CELF2: variants seen among roughly 807,000 people sequenced by gnomAD.
The protein encoded by CELF2 is CUG triplet repeat RNA-binding protein 2.
A neutral mutation model predicts 62.6 loss-of-function variants in CELF2; 8 were observed. The ratio of observed to expected loss-of-function variants is 0.13; its 90% CI spans 0.07 to 0.23. The LOEUF (loss-of-function observed/expected upper bound fraction) is 0.23. Among genes scored for constraint, CELF2 ranks in the 10% least tolerant of loss-of-function variants. The probability of loss-of-function intolerance (pLI) is 1.00; values close to 1 mark genes in which losing one functional copy is unlikely to be tolerated. For synonymous variants in CELF2, 258 were observed against 250.0 expected, an observed-to-expected ratio of 1.03 and a Z score of -0.30; for missense variants, 333 against 671.0, an observed-to-expected ratio of 0.50 and a Z score of 5.56.
At chr10:10,770,494 G>A in the CELF2 span, among the ~76,000 whole-genome samples, 1 of 151,986 alleles carries the variant, frequency 6.6e-6, no homozygotes, top group Non-Finnish European at 1.5e-5. Flanking sequence ...CAGAAAATTA[G>A]AGCAAACTGA....
At chr10:10,536,070 A>G in the CELF2 span, among the ~76,000 whole-genome samples, 23 of 144,106 alleles carry the variant, frequency 1.6e-4, no homozygotes, top group African/African-American at 6.0e-4. Context: ...GCCAGGCTGT[A>G]GTGCAGTGGT....
chr10:10,628,869 C>A, the CELF2 span, among the ~76,000 whole-genome samples: 498 of 152,152 alleles, frequency 3.3e-3, 1 homozygote, highest in African/African-American at 0.011. Flanking sequence ...TAAAAAAAGA[C>A]TTTCCTGTTT....
the CELF2 span, among the ~76,000 whole-genome samples, chr10:10,755,933 C>T: frequency 2.6e-5 from 4 of 152,312 alleles, no homozygotes; most frequent in East Asian, 7.7e-4. Context: ...CAAAGCAAAC[C>T]ATCCTAATGA....
At chr10:10,539,214 T>G in the CELF2 span, among the ~76,000 whole-genome samples, 2 of 152,226 alleles carry the variant, frequency 1.3e-5, no homozygotes, top group African/African-American at 4.8e-5. Flanking sequence ...TATTTTCTCA[T>G]CTATACAAAG....
intron 1 of CELF2, among the ~76,000 whole-genome samples, chr10:10,821,071 G>T (rs2056921155): frequency 6.6e-6 from 1 of 152,240 alleles, no homozygotes; most frequent in Non-Finnish European, 1.5e-5. Context: ...GACATTGGTT[G>T]TGGGGCTGAA....
the CELF2 span, among the ~76,000 whole-genome samples, chr10:10,623,676 A>C: frequency 6.6e-6 from 1 of 152,194 alleles, no homozygotes; most frequent in Non-Finnish European, 1.5e-5. Context: ...ATCCAGAGAC[A>C]GTGGAGGGGG....
At chr10:10,865,089 T>C (rs1044990595) in intron 1 of CELF2, among the ~76,000 whole-genome samples, 1 of 152,004 alleles carries the variant, frequency 6.6e-6, no homozygotes, top group South Asian at 2.1e-4. Flanking sequence ...ATGAGGAAAA[T>C]TTTTTTTCCT....
At chr10:10,470,957 C>T in the CELF2 span, among the ~76,000 whole-genome samples, 3 of 151,388 alleles carry the variant, frequency 2.0e-5, no homozygotes, top group East Asian at 5.8e-4. Context: ...ACCACTTTAG[C>T]TTTATCTCTA....
intron 2 of CELF2, among the ~76,000 whole-genome samples, chr10:10,933,788 G>T (rs1052517954): frequency 6.6e-6 from 1 of 152,038 alleles, no homozygotes; most frequent in Non-Finnish European, 1.5e-5. Context: ...ATTTTCTTAT[G>T]GCCAAAGAAT....
At chr10:11,101,463 A>G (rs2051605304) in intron 1 of CELF2, among the ~76,000 whole-genome samples, 1 of 152,222 alleles carries the variant, frequency 6.6e-6, no homozygotes, top group Non-Finnish European at 1.5e-5. Context: ...AGAGAGGGCT[A>G]GCTCTCAAGA....
At chr10:11,009,948 C>T (rs1398318287) in intron 1 of CELF2, among the ~76,000 whole-genome samples, 1 of 152,228 alleles carries the variant, frequency 6.6e-6, no homozygotes, top group Non-Finnish European at 1.5e-5. Context: ...TTACAGGCAG[C>T]ATCACGGGCT....
At chr10:11,108,253 C>T (rs1302215444) in intron 1 of CELF2, among the ~76,000 whole-genome samples, 2 of 150,488 alleles carry the variant, frequency 1.3e-5, no homozygotes. Flanking sequence ...ATGTGTCAAC[C>T]CTTTGTTTAG....
At chr10:10,585,761 T>C in the CELF2 span, among the ~76,000 whole-genome samples, 1 of 152,200 alleles carries the variant, frequency 6.6e-6, no homozygotes, top group Non-Finnish European at 1.5e-5. Context: ...TTCTCAGTCA[T>C]ATTGCGGAAG....
At chr10:10,520,855 G>A in the CELF2 span, among the ~76,000 whole-genome samples, 3 of 152,168 alleles carry the variant, frequency 2.0e-5, no homozygotes, top group Admixed American at 1.3e-4. Context: ...CATCAGAAGC[G>A]GAATATAAAC....
intron 2 of CELF2, among the ~76,000 whole-genome samples, chr10:10,962,086 G>A (rs2049572398): frequency 6.6e-6 from 1 of 151,734 alleles, no homozygotes; most frequent in Non-Finnish European, 1.5e-5. Context: ...AAAGAGAGAG[G>A]GAGGGAGGGA....
At chr10:10,987,776 T>A (rs926277204) in intron 2 of CELF2, among the ~76,000 whole-genome samples, 28 of 150,834 alleles carry the variant, frequency 1.9e-4, no homozygotes, top group African/African-American at 6.3e-4. Flanking sequence ...AGAAAAAAAA[T>A]AATCCCATCA....
the CELF2 span, among the ~76,000 whole-genome samples, chr10:10,714,616 G>A: frequency 1.5e-3 from 228 of 152,208 alleles, 1 homozygote; most frequent in African/African-American, 5.1e-3. Context: ...ATGCCCCTAC[G>A]ACATGTTGAC....
the CELF2 span, among the ~76,000 whole-genome samples, chr10:10,467,891 A>G: frequency 6.6e-6 from 1 of 152,104 alleles, no homozygotes; most frequent in South Asian, 2.1e-4. Context: ...TTATTTCTCA[A>G]CATAAGCACC....
chr10:10,581,193 A>G, the CELF2 span, among the ~76,000 whole-genome samples: 3 of 152,210 alleles, frequency 2.0e-5, no homozygotes, highest in African/African-American at 7.2e-5. Flanking sequence ...TCACAACTGA[A>G]CAAAAGATGT....
Sources: allele counts gnomAD v4.1 joint callset (sites outside exome capture counted in the v4.1 genomes callset), GRCh38; gene constraint gnomAD v4.1.1; transcripts MANE v1.5; gene names NCBI Gene and HGNC (gene_info 2026-07-23, HGNC 2026-07-21).